The following ARMC9 variants were observed in gnomAD, a reference collection of about 807,000 sequenced individuals.
ARMC9 encodes lisH domain-containing protein ARMC9.
Under a neutral mutation model 107.0 loss-of-function variants are expected in ARMC9, and 94 were observed. The observed-to-expected ratio is 0.88, with a 90% confidence interval of 0.74 to 1.04. The LOEUF (loss-of-function observed/expected upper bound fraction) is 1.04. Ranked by LOEUF, ARMC9 falls within the 50% of genes least tolerant of loss-of-function variation. The pLI is 0.00. For synonymous variants in ARMC9, 380 were observed against 396.9 expected, an observed-to-expected ratio of 0.96 and a Z score of 0.51; for missense variants, 942 against 1,030.1, an observed-to-expected ratio of 0.91 and a Z score of 1.17.
At chr2:231,336,063 AAAAT>A (rs1247992118) in intron 20 of ARMC9, among the ~76,000 whole-genome samples, 36 of 152,124 alleles carry the variant, frequency 2.4e-4, no homozygotes, top group Middle Eastern at 6.8e-3. Flanking sequence ...TTGGAGTGCA[AAAAT>A]AAATAAATAA....
chr2:231,291,527 C>A, intron 18 of ARMC9, 84 bp downstream of exon 18: 1 of 1,410,278 alleles, frequency 7.1e-7, no homozygotes, highest in Non-Finnish European at 9.8e-7. Flanking sequence ...ATTCAAGAGG[C>A]CTTTAGGAAG....
At chr2:231,283,612 T>G (rs917026962) in intron 17 of ARMC9, among the ~76,000 whole-genome samples, 2 of 152,132 alleles carry the variant, frequency 1.3e-5, no homozygotes, top group African/African-American at 4.8e-5. Flanking sequence ...GTATTTTTAG[T>G]AGAGATGGGG....
At chr2:231,316,607 A>G (rs906447693) in intron 19 of ARMC9, among the ~76,000 whole-genome samples, 2 of 151,356 alleles carry the variant, frequency 1.3e-5, no homozygotes, top group South Asian at 4.2e-4. Flanking sequence ...GGAGGTTGCA[A>G]TGAGCCGAGA....
At chr2:231,349,955 A>C (rs770152529) in intron 21 of ARMC9, among the ~76,000 whole-genome samples, 5 of 152,056 alleles carry the variant, frequency 3.3e-5, no homozygotes, top group Non-Finnish European at 5.9e-5. Flanking sequence ...TGATTCTTAC[A>C]CATTGCATGC....
chr2:231,226,375 A>C (rs543229162), intron 6 of ARMC9, among the ~76,000 whole-genome samples: 1 of 152,210 alleles, frequency 6.6e-6, no homozygotes, highest in Non-Finnish European at 1.5e-5. Flanking sequence ...TTTCACCTCA[A>C]TATCAATTTC....
chr2:231,282,238 C>A, intron 17 of ARMC9, 105 bp downstream of exon 17: 1 of 1,118,414 alleles, frequency 8.9e-7, no homozygotes, highest in Non-Finnish European at 1.3e-6. Flanking sequence ...GGCTCAGATC[C>A]GTTCCAAACT....
At chr2:231,316,902 A>G (rs1259745116) in intron 19 of ARMC9, among the ~76,000 whole-genome samples, 1 of 152,004 alleles carries the variant, frequency 6.6e-6, no homozygotes, top group African/African-American at 2.4e-5. Flanking sequence ...ATCTGGGATT[A>G]CAGGCATGCA....
intron 19 of ARMC9, among the ~76,000 whole-genome samples, chr2:231,304,747 A>G (rs995304953): frequency 2.6e-5 from 4 of 152,206 alleles, no homozygotes; most frequent in Admixed American, 6.5e-5. Context: ...TGTATTATCA[A>G]CACCAATAGC....
rs11891714 is a variant in ARMC9 at position 231,303,011 on chromosome 2, T to A, written c.1773+6758T>A. On this transcript the variant is annotated intron_variant, in intron 19 of 24. Transcript: ENST00000611582. ...GGAGCGAGACTCCGTCTCAAAAAAA[T>A]AAATAAATAAGTAAATAGTCATTTT... Among the ~76,000 whole-genome samples, 435 of 152,280 alleles carry A rather than the reference T, an allele frequency of 2.9e-3. 1 individual carries two copies. Among genetic ancestry groups the A allele is most frequent in the African/African-American group, 9.6e-3 (400 of 41,572 alleles).
intron 23 of ARMC9, among the ~76,000 whole-genome samples, chr2:231,363,932 TG>T (rs1352752548): frequency 6.9e-6 from 1 of 144,614 alleles, no homozygotes; most frequent in Non-Finnish European, 1.5e-5. Flanking sequence ...ACAATCATGG[TG>T]CCTTCCCCCA....
In ARMC9 at chr2:231,297,697, A is replaced by C. The variant is rs1224289799; in HGVS notation, c.1773+1444A>C. Among the ~76,000 whole-genome samples, 1 of 152,240 alleles carries C rather than the reference A, an allele frequency of 6.6e-6. No individual in the cohort carries two copies. Among genetic ancestry groups the C allele is most frequent in the Non-Finnish European group, 1.5e-5 (1 of 68,042 alleles). ...AAAGCAGGCACCTGACTCGTGGGCC[A>C]TTGTTTGCCAGCCCCTAGGCAGTTC... On this transcript the variant is annotated intron_variant, in intron 19 of 24. Coordinates refer to ENST00000611582, the MANE Select transcript of ARMC9 (RefSeq NM_001352754.2). This position sits in a 1 kb window ranked among gnomAD's most constrained non-coding sequence, Gnocchi z 4.2.
chr2:231,243,728 G>A (rs373361371), intron 9 of ARMC9, among the ~76,000 whole-genome samples: 2 of 152,292 alleles, frequency 1.3e-5, no homozygotes, highest in Admixed American at 6.5e-5. Context: ...GATAAAAAGC[G>A]TATGGGGGGT....
At chr2:231,346,116 C>T (rs192959702) in intron 21 of ARMC9, among the ~76,000 whole-genome samples, 2 of 152,284 alleles carry the variant, frequency 1.3e-5, no homozygotes, top group African/African-American at 4.8e-5. Context: ...GTATGATATG[C>T]TTATATTTCT....
chr2:231,280,083 A>G (rs1247243625), intron 16 of ARMC9, among the ~76,000 whole-genome samples: 1 of 152,228 alleles, frequency 6.6e-6, no homozygotes, highest in Non-Finnish European at 1.5e-5. Flanking sequence ...ACTGGAACCA[A>G]TATGTCTGCT....
At chr2:231,350,630 A>G (rs906641781) in intron 21 of ARMC9, among the ~76,000 whole-genome samples, 7 of 143,974 alleles carry the variant, frequency 4.9e-5, no homozygotes, top group Non-Finnish European at 8.9e-5. Flanking sequence ...CTCAAAAAAA[A>G]AAAAAGAAAA....
At chr2:231,259,226 C>T in intron 11 of ARMC9, 124 bp downstream of exon 11, 1 of 839,806 alleles carries the variant, frequency 1.2e-6, no homozygotes, top group Non-Finnish European at 1.8e-6. Flanking sequence ...TGTCTGCTGA[C>T]ACCAAGAACG....
At chr2:231,304,641 C>T (rs1462265776) in intron 19 of ARMC9, among the ~76,000 whole-genome samples, 2 of 152,208 alleles carry the variant, frequency 1.3e-5, no homozygotes, top group African/African-American at 2.4e-5. Context: ...AGGTGATCTG[C>T]CCACCTCGTC....
At chr2:231,371,187 G>T in intron 24 of ARMC9, 1 of 577,586 alleles carries the variant, frequency 1.7e-6, no homozygotes, top group Non-Finnish European at 3.3e-6. Flanking sequence ...ACCAGCAGCT[G>T]GTGGCTGGCC....
At chr2:231,333,666 C>T (rs911420184) in intron 20 of ARMC9, among the ~76,000 whole-genome samples, 1 of 152,062 alleles carries the variant, frequency 6.6e-6, no homozygotes, top group Non-Finnish European at 1.5e-5. Flanking sequence ...CACAGGCAGG[C>T]GGTGAGGAAA....
Sources: gnomAD v4.1 joint callset for allele counts (sites outside exome capture counted in the v4.1 genomes callset) on GRCh38, gnomAD v4.1.1 for gene constraint, Gnocchi (gnomAD v3.1) non-coding constraint, MANE v1.5 for transcripts, NCBI Gene and HGNC (gene_info 2026-07-23, HGNC 2026-07-21) for gene names.